PHC1: variants seen among roughly 807,000 people sequenced by gnomAD.
PHC1 encodes polyhomeotic-like protein 1.
In PHC1, 12 loss-of-function variants were observed where a neutral mutation model predicts 104.3. That is an observed-to-expected ratio of 0.12 (90% CI 0.07 to 0.19). PHC1 has a LOEUF of 0.19. Ranked by LOEUF, PHC1 falls within the 10% of genes least tolerant of loss-of-function variation. The pLI is 1.00. For missense variants in PHC1, 671 were observed against 1,200.0 expected, an observed-to-expected ratio of 0.56 and a Z score of 6.51; for synonymous variants, 302 against 455.8, an observed-to-expected ratio of 0.66 and a Z score of 4.30.
At chr12:8,933,513 G>A in intron 8 of PHC1, 163 bp downstream of exon 8, 1 of 977,952 alleles carries the variant, frequency 1.0e-6, no homozygotes, top group Non-Finnish European at 1.5e-6. Flanking sequence ...TATAATATCT[G>A]AACTTTATAC....
intron 6 of PHC1, among the ~76,000 whole-genome samples, chr12:8,923,874 A>C (rs888727600): frequency 2.0e-5 from 3 of 152,026 alleles, no homozygotes; most frequent in Admixed American, 1.3e-4. Flanking sequence ...AAAACAATTA[A>C]AAATAACAAT....
intron 3 of PHC1, 145 bp downstream of exon 3, chr12:8,920,011 G>A: frequency 7.8e-7 from 1 of 1,279,842 alleles, no homozygotes; most frequent in South Asian, 1.4e-5. Context: ...TGGGAGGATG[G>A]ATGCATCTTA....
chr12:8,932,385 T>C (rs768170520), intron 7 of PHC1, among the ~76,000 whole-genome samples, 178 bp from the exon 8 acceptor site: 3 of 152,204 alleles, frequency 2.0e-5, no homozygotes, highest in African/African-American at 2.4e-5. Context: ...TAATGTCTGA[T>C]TGAGTGGGAA....
At chr12:8,922,927 A>C (rs932537300) in intron 6 of PHC1, 139 bp downstream of exon 6, 4 of 697,580 alleles carry the variant, frequency 5.7e-6, no homozygotes, top group Non-Finnish European at 9.4e-6. Flanking sequence ...TCCCTTAATC[A>C]CCATAGAACT....
At chr12:8,938,259 C>T (rs769240901) in intron 14 of PHC1, among the ~76,000 whole-genome samples, 199 bp downstream of exon 14, 1 of 152,246 alleles carries the variant, frequency 6.6e-6, no homozygotes, top group South Asian at 2.1e-4. Flanking sequence ...AGCAATTTTA[C>T]AGTGTTTGAT....
rs774263671 is a variant in PHC1 at position 8,935,183 on chromosome 12, A to T, written c.2313A>T (p.Thr771=). 5 of 1,593,072 alleles carry T rather than the reference A, an allele frequency of 3.1e-6. No individual in the cohort carries two copies. Among genetic ancestry groups the T allele is most frequent in the Non-Finnish European group, 4.3e-6 (5 of 1,167,020 alleles). Residue 771 remains threonine, a synonymous_variant, in exon 11 of 15, where the codon ACA becomes ACT. Coordinates refer to ENST00000544916, the MANE Select transcript of PHC1 (RefSeq NM_004426.3). ...AGCCACTACAGACTGGCCTTCCGAC[A>T]GGGCTGACTGAGAATCAGTCAGGTG... ...SEKPLQTGLP[T]GLTENQSGGP... is the part of the protein sequence containing the mutation.
At chr12:8,921,407 T>A (rs896565759) in intron 4 of PHC1, among the ~76,000 whole-genome samples, 194 bp from the exon 5 acceptor site, 4 of 151,972 alleles carry the variant, frequency 2.6e-5, no homozygotes, top group Non-Finnish European at 5.9e-5. Flanking sequence ...AGACTGTTGG[T>A]TTTTTTTCAC....
upstream of PHC1, among the ~76,000 whole-genome samples, chr12:8,914,180 C>G (rs952276597): frequency 6.6e-6 from 1 of 152,114 alleles, no homozygotes; most frequent in Non-Finnish European, 1.5e-5. Context: ...TCTCACGTCA[C>G]TTCCCTCCCT....
At position 8,932,757 on chromosome 12, in the gene PHC1, C is replaced by A. The variant is rs760714075; in HGVS notation, c.1300C>A (p.Gln434Lys). Residue 434 changes from glutamine (Q) to lysine (K), a missense_variant, in exon 8 of 15, where the codon CAG (glutamine) becomes AAG (lysine). Coordinates refer to ENST00000544916, the MANE Select transcript of PHC1 (RefSeq NM_004426.3). ...AQQQQQQQQQ[Q>K]QQQQQPQATT... The stretch of plus-strand genomic sequence containing the variant: ...GCAGCAGCAGCAGCAACAACAGCAA[C>A]AGCAGCAACAGCAGCAGCCGCAAGC... 4 of 1,595,068 alleles carry A rather than the reference C, an allele frequency of 2.5e-6. No individual in the cohort carries two copies. Among genetic ancestry groups the A allele is most frequent in the Non-Finnish European group, 3.4e-6 (4 of 1,168,168 alleles).
intron 7 of PHC1, among the ~76,000 whole-genome samples, chr12:8,931,140 C>T (rs1028996465): frequency 3.3e-5 from 5 of 152,148 alleles, no homozygotes; most frequent in African/African-American, 9.7e-5. Context: ...CTGTTTCTAC[C>T]AGGCAGTAGT....
intron 6 of PHC1, 58 bp downstream of exon 6, chr12:8,922,846 A>G: frequency 6.6e-7 from 1 of 1,506,770 alleles, no homozygotes. Context: ...GGGAATGACC[A>G]CGGACCTGGG....
At chr12:8,923,841 A>AG (rs1945436726) in intron 6 of PHC1, among the ~76,000 whole-genome samples, 1 of 151,582 alleles carries the variant, frequency 6.6e-6, no homozygotes, top group Non-Finnish European at 1.5e-5. Flanking sequence ...AAAAAAAAAA[A>AG]AAAAAGAAAA....
Position 8,940,409 on chromosome 12 carries a change from AT to A in PHC1, c.*951del, listed in dbSNP as rs1438501418. On this transcript the variant is annotated 3_prime_UTR_variant, in exon 15 of 15. Transcript: ENST00000544916. ...ATTAAGAGTTTTTGTACAAAAGGTG[AT>A]GGTTTTTTTTCTTCATTTTAAAACA... The A allele has an allele frequency of 1.1e-5, 2 of 185,658 alleles. No individual in the cohort carries two copies. The highest frequency in any genetic ancestry group is 4.8e-5 in the African/African-American group (2 of 41,598). The allele number at this position is 185,658 out of a possible 1,614,324, so 11.5% of individuals were successfully genotyped here.
At chr12:8,920,962 T>C (rs750433535) in intron 3 of PHC1, 23 bp from the exon 4 acceptor site, 23 of 1,569,356 alleles carry the variant, frequency 1.5e-5, no homozygotes, top group South Asian at 1.1e-5. Context: ...TTGCTATTTC[T>C]TGTTTCCCTT....
intron 6 of PHC1, among the ~76,000 whole-genome samples, chr12:8,926,707 C>G (rs538381750): frequency 1.3e-5 from 2 of 151,928 alleles, no homozygotes; most frequent in South Asian, 2.1e-4. Context: ...GTCAGGAGTT[C>G]GAGACCATCC....
chr12:8,937,966 A>G lies in PHC1; in HGVS notation c.2766A>G (p.Thr922=), dbSNP rs1407359380. The part of the protein sequence containing the change: ...DLGNPNTAPP[T]PELHGINPVF... Reference sequence around the variant, plus strand: ...GGAATCCCAATACAGCTCCACCTACACCGGAATTACATGGCATCAACCCTG... The same window carrying G: ...GGAATCCCAATACAGCTCCACCTACGCCGGAATTACATGGCATCAACCCTG... Residue 922 remains threonine, a synonymous_variant, in exon 14 of 15, where the codon ACA becomes ACG. Coordinates refer to ENST00000544916, the MANE Select transcript of PHC1 (RefSeq NM_004426.3). 13 of 1,604,418 alleles carry G rather than the reference A, an allele frequency of 8.1e-6. No homozygotes were observed. The highest frequency in any genetic ancestry group is 1.3e-5 in the African/African-American group (1 of 74,752).
chr12:8,936,810 G>T, intron 11 of PHC1, 46 bp from the exon 12 acceptor site: 1 of 1,178,816 alleles, frequency 8.5e-7, no homozygotes. Context: ...TGCCTGAGGG[G>T]CAGCAGAAAC....
In PHC1 at chr12:8,921,603, C is replaced by G. The variant is rs2137068049; in HGVS notation, c.309C>G (p.Ile103Met). 6.2e-7 allele frequency: 1 copy of G among 1,613,762 alleles called. No individual in the cohort carries two copies. The highest frequency in any genetic ancestry group is 2.2e-5 in the East Asian group (1 of 44,876). Reference sequence around the variant, plus strand: ...TGGTTCCTTTCTGTACCACACAGATCAATCTGGCCACCACATCGGCCGCCC... The same window carrying G: ...TGGTTCCTTTCTGTACCACACAGATGAATCTGGCCACCACATCGGCCGCCC... Reference protein sequence around the residue: ...QQQTTTTQASINLATTSAAQL... With the variant: ...QQQTTTTQASMNLATTSAAQL... The change falls in exon 5 of 15, where the codon ATC becomes ATG. Residue 103 changes from isoleucine to methionine, a missense_variant and splice_region_variant. By Grantham distance (10) the Ile-to-Met change is conservative. Coordinates refer to ENST00000544916, the MANE Select transcript of PHC1 (RefSeq NM_004426.3).
At chr12:8,931,987 G>T (rs1945698546) in intron 7 of PHC1, among the ~76,000 whole-genome samples, 1 of 152,216 alleles carries the variant, frequency 6.6e-6, no homozygotes, top group Non-Finnish European at 1.5e-5. Context: ...AGGAAACTGA[G>T]TTAGGTCAGA....
Sources: allele counts gnomAD v4.1 joint callset (sites outside exome capture counted in the v4.1 genomes callset), GRCh38; gene constraint gnomAD v4.1.1; transcripts MANE v1.5; gene names NCBI Gene and HGNC (gene_info 2026-07-23, HGNC 2026-07-21).